Variants in DLGAP2 observed in about 807,000 individuals in gnomAD.
DLGAP2 encodes DLG associated protein 2.
Under a neutral mutation model 100.3 loss-of-function variants are expected in DLGAP2, and 26 were observed. The observed-to-expected ratio is 0.26, with a 90% CI of 0.19 to 0.36. The LOEUF is 0.36. DLGAP2 is among the 10% of genes least tolerant of loss of function. DLGAP2 has a pLI of 1.00. For missense variants in DLGAP2, 1,858 were observed against 1,453.2 expected, an observed-to-expected ratio of 1.28 and a Z score of -4.53; for synonymous variants, 886 against 630.1, an observed-to-expected ratio of 1.41 and a Z score of -6.08.
At position 1,691,537 on chromosome 8, in the gene DLGAP2, C is replaced by T. The variant is rs367910620; in HGVS notation, c.2707C>T (p.Leu903Phe). ...GTTTTTGTTTTTGTTTTAAACAGTT[C>T]TCGGTAAAATCAGGAGTGCTGTTGG... ...AEENDLSEEI[L>F]GKIRSAVGSA... is the part of the protein sequence containing the mutation. The change falls in exon 13 of 15, where the codon CTC becomes TTC. Residue 903 changes from leucine to phenylalanine, a missense_variant and splice_region_variant. Physicochemically the swap from Leu to Phe is conservative, Grantham distance 22. Transcript: ENST00000637795. 1.9e-6 allele frequency: 3 copies of T among 1,613,104 alleles called. No homozygotes were observed. In the South Asian group the frequency reaches 3.3e-5, roughly 18 times the overall value.
chr8:1,244,156 G>T (rs1798858153), intron 2 of DLGAP2, among the ~76,000 whole-genome samples: 1 of 152,208 alleles, frequency 6.6e-6, no homozygotes, highest in African/African-American at 2.4e-5. Context: ...GTACATGCCA[G>T]AGGCTCTTCG....
At chr8:978,067 C>G (rs575767323) in intron 2 of DLGAP2, among the ~76,000 whole-genome samples, 16 of 25,774 alleles carry the variant, frequency 6.2e-4, no homozygotes, top group Admixed American at 9.7e-4. Context: ...CAGTGAGGGG[C>G]TGGGTTCTGG....
intron 2 of DLGAP2, among the ~76,000 whole-genome samples, chr8:1,192,550 C>G (rs1376030612): frequency 6.6e-6 from 1 of 152,104 alleles, no homozygotes; most frequent in East Asian, 1.9e-4. Context: ...TCCAGCCTCT[C>G]TCAAGTCTGT....
At chr8:876,620 T>A (rs2128992522) in intron 1 of DLGAP2, among the ~76,000 whole-genome samples, 1 of 152,360 alleles carries the variant, frequency 6.6e-6, no homozygotes, top group Admixed American at 6.5e-5. Context: ...TGTAACTCTC[T>A]TTGCTTTTAT....
chr8:839,549 T>C (rs1796943073), intron 1 of DLGAP2, among the ~76,000 whole-genome samples: 1 of 152,252 alleles, frequency 6.6e-6, no homozygotes, highest in Non-Finnish European at 1.5e-5. Context: ...GAGAGTACCA[T>C]GGTGGTTCCC....
At position 1,360,311 on chromosome 8, in the gene DLGAP2, C is replaced by CGGGGCTTCTCT. The variant is rs1563104738; in HGVS notation, c.106+101433_106+101434insTTCTCTGGGGC. Among the ~76,000 whole-genome samples, 373 of 60,656 alleles carry CGGGGCTTCTCT rather than the reference C, an allele frequency of 6.1e-3. 9 individuals are homozygous for CGGGGCTTCTCT. The highest frequency in any genetic ancestry group is 0.04 in the East Asian group (43 of 1,086). The allele number at this position is 60,656 out of a possible 152,430, so 39.8% of individuals were successfully genotyped here. ...GGGCTTCTCCGGGGCGGGGCTTCTC[C>CGGGGCTTCTCT]GGGGCGGGGCTTCTCCAGGACGGTG... On this transcript the variant is annotated intron_variant, in intron 3 of 14. Transcript: ENST00000637795.
At chr8:1,008,569 G>T (rs1801187540) in intron 2 of DLGAP2, among the ~76,000 whole-genome samples, 1 of 152,244 alleles carries the variant, frequency 6.6e-6, no homozygotes, top group African/African-American at 2.4e-5. Flanking sequence ...AGACTTGCAT[G>T]AAAACTTGAT....
At chr8:1,129,208 A>T (rs1796234766) in intron 2 of DLGAP2, among the ~76,000 whole-genome samples, 1 of 152,084 alleles carries the variant, frequency 6.6e-6, no homozygotes, top group Non-Finnish European at 1.5e-5. Context: ...GTTTGAGACC[A>T]TCCTGGCCAA....
At chr8:818,912 T>C (rs1796535724) in intron 1 of DLGAP2, among the ~76,000 whole-genome samples, 1 of 152,128 alleles carries the variant, frequency 6.6e-6, no homozygotes, top group Non-Finnish European at 1.5e-5. Flanking sequence ...CTTAGAAAAA[T>C]TTAATGGAGC....
At chr8:985,883 T>C (rs1004825603) in intron 2 of DLGAP2, among the ~76,000 whole-genome samples, 6 of 151,952 alleles carry the variant, frequency 3.9e-5, no homozygotes, top group Non-Finnish European at 5.9e-5. Context: ...ACAAACCCCC[T>C]GTTTCAGCTC....
intron 1 of DLGAP2, among the ~76,000 whole-genome samples, chr8:871,748 G>C (rs1286369373): frequency 6.6e-6 from 1 of 152,082 alleles, no homozygotes; most frequent in Admixed American, 6.5e-5. Context: ...ACGCATTTTG[G>C]GTAAGGGACA....
At chr8:1,195,019 A>T (rs1463842838) in intron 2 of DLGAP2, among the ~76,000 whole-genome samples, 1 of 152,222 alleles carries the variant, frequency 6.6e-6, no homozygotes, top group Non-Finnish European at 1.5e-5. Flanking sequence ...TGCTCTCCTG[A>T]GAAGCTTGGG....
intron 4 of DLGAP2, among the ~76,000 whole-genome samples, chr8:1,538,330 C>G (rs963016282): frequency 3.9e-5 from 6 of 152,172 alleles, no homozygotes; most frequent in Non-Finnish European, 4.4e-5. Flanking sequence ...CCAGGCTGTC[C>G]GTTCCCCCAA....
At chr8:1,060,489 G>T (rs1342662719) in intron 2 of DLGAP2, among the ~76,000 whole-genome samples, 2 of 152,096 alleles carry the variant, frequency 1.3e-5, no homozygotes, top group Non-Finnish European at 2.9e-5. Flanking sequence ...GCTTCACACG[G>T]CCCCCTCTCT....
chr8:1,435,057 C>T (rs1463825721), intron 3 of DLGAP2, among the ~76,000 whole-genome samples: 1 of 152,192 alleles, frequency 6.6e-6, no homozygotes, highest in Non-Finnish European at 1.5e-5. Flanking sequence ...CACTTTGGCT[C>T]CGCCGTCCTT....
chr8:1,440,103 A>G (rs1301430801), intron 3 of DLGAP2, among the ~76,000 whole-genome samples: 1 of 152,200 alleles, frequency 6.6e-6, no homozygotes, highest in African/African-American at 2.4e-5. Context: ...TCTAGAAAGC[A>G]GAAATGTGAG....
At chr8:777,255 A>C (rs1481846989) in intron 1 of DLGAP2, among the ~76,000 whole-genome samples, 1 of 150,518 alleles carries the variant, frequency 6.6e-6, no homozygotes, top group Admixed American at 6.6e-5. Flanking sequence ...TCTGCACGTG[A>C]GATGGGTTTC....
intron 2 of DLGAP2, among the ~76,000 whole-genome samples, chr8:1,199,802 T>C (rs1797830762): frequency 6.6e-6 from 1 of 151,648 alleles, no homozygotes; most frequent in African/African-American, 2.4e-5. Context: ...TAAACGATGA[T>C]TATTTTCAGA....
At chr8:1,468,619 G>A (rs992398243) in intron 3 of DLGAP2, among the ~76,000 whole-genome samples, 1 of 152,234 alleles carries the variant, frequency 6.6e-6, no homozygotes, top group Non-Finnish European at 1.5e-5. Flanking sequence ...AAGGAAACCT[G>A]GGAAGCCTGT....
Sources: allele counts gnomAD v4.1 joint callset (sites outside exome capture counted in the v4.1 genomes callset), GRCh38; gene constraint gnomAD v4.1.1; transcripts MANE v1.5; gene names NCBI Gene and HGNC (gene_info 2026-07-23, HGNC 2026-07-21).